Variants in TPCN1 observed in about 807,000 individuals in gnomAD.
The protein encoded by TPCN1 is two pore channel protein 1.
Under a neutral mutation model 108.8 loss-of-function variants are expected in TPCN1, and 52 were observed. That is an observed-to-expected ratio of 0.48 (90% confidence interval 0.38 to 0.60). TPCN1 has a LOEUF of 0.60. Among genes scored for constraint, TPCN1 ranks in the 20% least tolerant of loss-of-function variants. The probability of loss-of-function intolerance (pLI) is 0.00; values close to 1 mark genes in which losing one functional copy is unlikely to be tolerated. For missense variants in TPCN1, 806 were observed against 1,072.8 expected (o/e 0.75, Z 3.47); for synonymous variants, 446 against 433.7 (o/e 1.03, Z -0.35).
rs763200329 is a variant in TPCN1, at chr12:113,284,541, C to G, written c.1343-40C>G. 8 of 1,611,766 alleles carry G rather than the reference C, an allele frequency of 5.0e-6. No homozygotes were observed. The highest frequency in any genetic ancestry group is 1.9e-4 in the Middle Eastern group (1 of 5,370). ...TGCGACCTGCAGATTTCTAAGCCCC[C>G]CTGTTATTTCTCTGTCTTTTACGGG... On this transcript the variant is annotated intron_variant, in intron 15 of 27. Coordinates refer to ENST00000335509, the MANE Select transcript of TPCN1 (RefSeq NM_017901.6). The surrounding 1 kb of genome is among the most constrained non-coding windows in gnomAD (Gnocchi z 4.1).
Position 113,245,617 on chromosome 12 carries a change from A to G in TPCN1, c.113-14751A>G, listed in dbSNP as rs1431167325. ...CTCCGTCTCAAAAAAAAAAAAAAAAAAAAAGAAAAGAAAAGGGGTAGGCCC... is the reference window on the plus strand; with the variant it reads ...CTCCGTCTCAAAAAAAAAAAAAAAAGAAAAGAAAAGAAAAGGGGTAGGCCC... On this transcript the variant is annotated intron_variant, in intron 2 of 27. Transcript: ENST00000335509. Among the ~76,000 whole-genome samples the G allele has an allele frequency of 6.4e-4, 96 of 150,718 alleles. 1 individual carries two copies. The highest frequency in any genetic ancestry group is 1.3e-3 in the Admixed American group (19 of 15,182).
chr12:113,227,089 C>T (rs1953498687), intron 2 of TPCN1, 125 bp downstream of exon 2: 1 of 757,454 alleles, frequency 1.3e-6, no homozygotes, highest in Non-Finnish European at 2.1e-6. Flanking sequence ...ATTTGAGCCC[C>T]AAGTTCTGAT....
At chr12:113,224,799 T>C (rs1025262998) in intron 1 of TPCN1, among the ~76,000 whole-genome samples, 1 of 152,108 alleles carries the variant, frequency 6.6e-6, no homozygotes, top group African/African-American at 2.4e-5. Context: ...TCGCCCAGGC[T>C]GCAGTGCAGT....
Position 113,286,043 on chromosome 12 carries a change from G to A in TPCN1, c.1526+82G>A. The A allele has an allele frequency of 4.0e-6, 5 of 1,263,356 alleles. 1 individual carries two copies. The South Asian group carries it at 4.8e-5, about 12-fold the overall frequency. The allele number at this position is 1,263,356 out of a possible 1,614,324, so 78.3% of individuals were successfully genotyped here. A position where few individuals can be genotyped will look rare whatever the true frequency, so the allele number is the denominator to read the frequency against. ...CCCTTCTCTGCACACCCTGATCCCG[G>A]GCCATTTCTGGAATCGCAGAGGGAG... On this transcript the variant is annotated intron_variant, in intron 18 of 27. Transcript: ENST00000335509.
chr12:113,243,099 G>A (rs1370802154), intron 2 of TPCN1, among the ~76,000 whole-genome samples: 1 of 152,236 alleles, frequency 6.6e-6, no homozygotes, highest in African/African-American at 2.4e-5. Flanking sequence ...GCCGGGTGCG[G>A]TGCCTCACAC....
In TPCN1 at chr12:113,294,519, G is replaced by A. The variant is rs76416614; in HGVS notation, c.2334+1170G>A. ...CCGTGCACCTGTAATCCCAGCTACT[G>A]AAGAGGCTGAGTCAGGAGAATTACT... On this transcript the variant is annotated intron_variant, in intron 27 of 27. Coordinates refer to ENST00000335509, the MANE Select transcript of TPCN1 (RefSeq NM_017901.6). Among the ~76,000 whole-genome samples the A allele has an allele frequency of 0.014, 2,122 of 151,704 alleles. 112 individuals are homozygous for A. The East Asian group carries it at 0.18, about 13-fold the overall frequency.
intron 7 of TPCN1, among the ~76,000 whole-genome samples, chr12:113,270,604 C>T (rs1015495889): frequency 1.3e-5 from 2 of 152,080 alleles, no homozygotes; most frequent in East Asian, 1.9e-4. Context: ...CCTCAGCCTC[C>T]CGAGTAGCTG....
intron 26 of TPCN1, 23 bp downstream of exon 26, chr12:113,293,096 C>T (rs564686200): frequency 2.0e-5 from 32 of 1,605,134 alleles, no homozygotes; most frequent in Admixed American, 6.8e-5. Flanking sequence ...GGCCCTGGTC[C>T]GAAGGAGGGA....
Position 113,293,014 on chromosome 12 carries a change from G to A in TPCN1, c.2194G>A (p.Gly732Arg), listed in dbSNP as rs1046896249. ...AVLELYREAR[G>R]ASSDVTRLLE... ...CCTGGAGCTCTACCGGGAGGCACGG[G>A]GGGCCTCCTCGGATGTCACCAGGCT... Residue 732 changes from glycine (G) to arginine (R), a missense_variant, in exon 26 of 28, where the codon GGG becomes AGG. Coordinates refer to ENST00000335509, the MANE Select transcript of TPCN1 (RefSeq NM_017901.6). 10 of 1,613,178 alleles carry A rather than the reference G, an allele frequency of 6.2e-6. No individual in the cohort carries two copies. The highest frequency in any genetic ancestry group is 8.5e-6 in the Non-Finnish European group (10 of 1,180,004).
chr12:113,269,410 A>T lies in TPCN1; in HGVS notation c.660-347A>T, dbSNP rs1449181713. 6.6e-6 allele frequency among the ~76,000 whole-genome samples: 1 copy of T among 152,184 alleles called. No homozygotes were observed. The highest frequency in any genetic ancestry group is 1.5e-5 in the Non-Finnish European group (1 of 68,026). The stretch of plus-strand genomic sequence containing the variant: ...AGTGTCCCAGGACTAAGTGGCCTTG[A>T]AATGTCTTCATGCCTTCCACATCCT... On this transcript the variant is annotated intron_variant, in intron 6 of 27. Coordinates refer to ENST00000335509, the MANE Select transcript of TPCN1 (RefSeq NM_017901.6). This position sits in a 1 kb window ranked among gnomAD's most constrained non-coding sequence, Gnocchi z 5.0.
chr12:113,241,793 T>TGTGTGTGTGTGTGTGTGTGTGTGC (rs776600301), intron 2 of TPCN1, among the ~76,000 whole-genome samples: 8 of 150,430 alleles, frequency 5.3e-5, no homozygotes, highest in Non-Finnish European at 1.2e-4. Flanking sequence ...TGTGTGTGTG[T>TGTGTGTGTGTGTGTGTGTGTGTGC]GCGTGTGTGT....
In TPCN1 at chr12:113,269,716, C is replaced by T. The variant is rs1451746215; in HGVS notation, c.660-41C>T. ...CAAGGAGGAGTCCCAGGCAGCCCGC[C>T]CCAGCTGGTGCCTCCCCTGAGCTGG... On this transcript the variant is annotated intron_variant, in intron 6 of 27. Transcript: ENST00000335509. The surrounding 1 kb of genome is among the most constrained non-coding windows in gnomAD (Gnocchi z 5.0). 1 of 1,587,582 alleles carries T rather than the reference C, an allele frequency of 6.3e-7. No individual in the cohort carries two copies. The highest frequency in any genetic ancestry group is 8.6e-7 in the Non-Finnish European group (1 of 1,159,926).
At chr12:113,256,816 G>T (rs1005675217) in intron 2 of TPCN1, among the ~76,000 whole-genome samples, 39 of 152,270 alleles carry the variant, frequency 2.6e-4, no homozygotes, top group African/African-American at 9.4e-4. Flanking sequence ...ATGACCAGGG[G>T]TTAGGCAAAG....
intron 2 of TPCN1, among the ~76,000 whole-genome samples, chr12:113,234,407 C>T (rs1226352204): frequency 1.3e-5 from 2 of 152,206 alleles, no homozygotes; most frequent in African/African-American, 4.8e-5. Context: ...TGAGGTTAGA[C>T]TCTCAAGGCC....
chr12:113,274,728 G>GT (rs1181676518), intron 10 of TPCN1, among the ~76,000 whole-genome samples: 1 of 152,232 alleles, frequency 6.6e-6, no homozygotes, highest in Non-Finnish European at 1.5e-5. Context: ...CGTGGAGGTA[G>GT]TGAGTATGGT....
chr12:113,265,761 G>T (rs544018305), intron 3 of TPCN1, among the ~76,000 whole-genome samples: 1 of 152,010 alleles, frequency 6.6e-6, no homozygotes, highest in African/African-American at 2.4e-5. Context: ...GCCTCCCAAA[G>T]TGTTGGGATT....
rs150790350 is a variant in TPCN1 at position 113,229,743 on chromosome 12, C to T, written c.112+2779C>T. On this transcript the variant is annotated intron_variant, in intron 2 of 27. Coordinates refer to ENST00000335509, the MANE Select transcript of TPCN1 (RefSeq NM_017901.6). Reference sequence around the variant, plus strand: ...TTGGCCTCAAGTGATCCACCTGCCTCGGCCTCCCAAAGTGCTAGGATTATA... The same window carrying T: ...TTGGCCTCAAGTGATCCACCTGCCTTGGCCTCCCAAAGTGCTAGGATTATA... Among the ~76,000 whole-genome samples the T allele has an allele frequency of 6.7e-3, 1,026 of 152,234 alleles. 13 individuals carry two copies. Among genetic ancestry groups the T allele is most frequent in the African/African-American group, 0.023 (959 of 41,540 alleles).
At chr12:113,279,295 A>ATG (rs547346345) in intron 14 of TPCN1, among the ~76,000 whole-genome samples, 20 of 134,458 alleles carry the variant, frequency 1.5e-4, no homozygotes, top group Admixed American at 4.7e-4. Context: ...AATAACACAT[A>ATG]TGTGTGTGTG....
chr12:113,292,651 C>T (rs1197191962), intron 25 of TPCN1: 2 of 348,292 alleles, frequency 5.7e-6, no homozygotes, highest in Non-Finnish European at 1.0e-5. Flanking sequence ...CCTCAGATCT[C>T]TGTGCTATCA....
Sources: allele counts gnomAD v4.1 joint callset (sites outside exome capture counted in the v4.1 genomes callset), GRCh38; gene constraint gnomAD v4.1.1; non-coding constraint Gnocchi (gnomAD v3.1); transcripts MANE v1.5; gene names NCBI Gene and HGNC (gene_info 2026-07-23, HGNC 2026-07-21).